The following EHF variants were observed in gnomAD, a reference collection of about 807,000 sequenced individuals.
The protein encoded by EHF is ETS homologous factor.
In EHF, 14 loss-of-function variants were observed where a neutral mutation model predicts 45.1. The observed-to-expected ratio is 0.31, with a 90% CI of 0.21 to 0.49. The LOEUF is 0.49. Ranked by LOEUF, EHF falls within the 20% of genes least tolerant of loss-of-function variation. The pLI, the probability that EHF is intolerant of heterozygous loss-of-function variation, is 0.99. For synonymous variants in EHF, 136 were observed against 131.8 expected, an observed-to-expected ratio of 1.03 and a Z score of -0.22; for missense variants, 282 against 371.4, an observed-to-expected ratio of 0.76 and a Z score of 1.98.
At chr11:34,651,518 A>G (rs1565042908) in intron 4 of EHF, 24 bp from the exon 5 acceptor site, 1 of 1,597,896 alleles carries the variant, frequency 6.3e-7, no homozygotes, top group Non-Finnish European at 8.6e-7. Flanking sequence ...ATCGCTGACT[A>G]TTCTCCTTCT....
chr11:34,627,112 TTGTGTGTGTGTG>T (rs6144298), intron 1 of EHF, among the ~76,000 whole-genome samples: 5 of 148,576 alleles, frequency 3.4e-5, no homozygotes, highest in South Asian at 2.2e-4. Context: ...GGATTTTGGT[TTGTGTGTGTGTG>T]TGTGTGTGTG....
At chr11:34,621,804 T>C (rs1207775490) in intron 1 of EHF, among the ~76,000 whole-genome samples, 3 of 152,160 alleles carry the variant, frequency 2.0e-5, no homozygotes, top group Admixed American at 2.0e-4. Flanking sequence ...GGCAGAGGTA[T>C]TGGGGAGAGC....
At chr11:34,652,842 A>G (rs913005249) in intron 6 of EHF, among the ~76,000 whole-genome samples, 2 of 152,242 alleles carry the variant, frequency 1.3e-5, no homozygotes, top group Non-Finnish European at 2.9e-5. Flanking sequence ...GCTGGGAGCC[A>G]ATGTAAATGC....
At chr11:34,634,009 G>T (rs1053878852) in intron 1 of EHF, among the ~76,000 whole-genome samples, 2 of 152,170 alleles carry the variant, frequency 1.3e-5, no homozygotes, top group Non-Finnish European at 2.9e-5. Context: ...TACCTCAGAT[G>T]TTGCCCCTGG....
chr11:34,621,380 A>C (rs370779781), intron 1 of EHF, among the ~76,000 whole-genome samples, 152 bp downstream of exon 1: 1 of 152,226 alleles, frequency 6.6e-6, no homozygotes, highest in African/African-American at 2.4e-5. Flanking sequence ...GGCTTACCTC[A>C]CTGGGTCAAA....
At chr11:34,641,199 C>G (rs894059603) in intron 1 of EHF, among the ~76,000 whole-genome samples, 4 of 152,078 alleles carry the variant, frequency 2.6e-5, no homozygotes, top group African/African-American at 4.8e-5. Context: ...TCTACTTAGG[C>G]TGGATTCAGT....
chr11:34,622,816 G>C (rs751546751), intron 1 of EHF, among the ~76,000 whole-genome samples: 49 of 152,102 alleles, frequency 3.2e-4, no homozygotes, highest in Non-Finnish European at 6.2e-4. Flanking sequence ...AGTTGAACTT[G>C]AAAAAATAAT....
chr11:34,650,597 G>A (rs1590522113), intron 4 of EHF, among the ~76,000 whole-genome samples: 1 of 152,216 alleles, frequency 6.6e-6, no homozygotes, highest in South Asian at 2.1e-4. Context: ...GGGGAGCTGA[G>A]GGTAACCTAG....
intron 1 of EHF, chr11:34,632,497 T>C (rs945633732): frequency 1.3e-6 from 2 of 1,532,026 alleles, no homozygotes; most frequent in Non-Finnish European, 1.7e-6. Flanking sequence ...GAGTGGAGAT[T>C]GGTTTTGGCT....
intron 1 of EHF, chr11:34,642,407 G>A: frequency 2.2e-6 from 1 of 455,668 alleles, no homozygotes; most frequent in South Asian, 3.2e-5. Context: ...ATGAATGGGT[G>A]GCTGTAAAAA....
chr11:34,643,106 G>A lies in EHF; in HGVS notation c.97+379G>A, dbSNP rs539951537. Among the ~76,000 whole-genome samples, 10 of 151,338 alleles carry A rather than the reference G, an allele frequency of 6.6e-5. No homozygotes were observed. In the South Asian group the frequency reaches 1.0e-3, roughly 16 times the overall value. On this transcript the variant is annotated intron_variant, in intron 2 of 8. Coordinates refer to ENST00000257831, the MANE Select transcript of EHF (RefSeq NM_012153.6). ...TGTGTGTGTGTGTGTGTATGTGCGCGTGCATGGAGGTTAGGAAGGAGAGGG... is the reference window on the plus strand; with the variant it reads ...TGTGTGTGTGTGTGTGTATGTGCGCATGCATGGAGGTTAGGAAGGAGAGGG...
Position 34,663,114 on chromosome 11 carries a change from C to T in EHF, c.*4183C>T, listed in dbSNP as rs1856185709. On this transcript the variant is annotated 3_prime_UTR_variant, in exon 9 of 9. Transcript: ENST00000257831. ...CTCCTGGGTTGACAATTTGTGGAAA[C>T]AACTCTATTGCTACTATTTAAAAAA... Among the ~76,000 whole-genome samples, 1 of 152,050 alleles carries T rather than the reference C, an allele frequency of 6.6e-6. No individual in the cohort carries two copies. Among genetic ancestry groups the T allele is most frequent in the Non-Finnish European group, 1.5e-5 (1 of 67,986 alleles).
In EHF at chr11:34,656,851, T is replaced by C. The variant is rs1255231920; in HGVS notation, c.545-57T>C. On this transcript the variant is annotated intron_variant, in intron 6 of 8. Transcript: ENST00000257831. Reference sequence around the variant, plus strand: ...TTGTTTAAATGAGTGGATGCATGAATAAAAAAGAGAATTATAGGAAATAGG... The same window carrying C: ...TTGTTTAAATGAGTGGATGCATGAACAAAAAAGAGAATTATAGGAAATAGG... 5 of 1,580,694 alleles carry C rather than the reference T, an allele frequency of 3.2e-6. No homozygotes were observed. In the East Asian group the frequency reaches 1.2e-4, roughly 37 times the overall value.
At chr11:34,656,014 G>A (rs1442731181) in intron 6 of EHF, among the ~76,000 whole-genome samples, 2 of 151,978 alleles carry the variant, frequency 1.3e-5, no homozygotes, top group Admixed American at 6.6e-5. Flanking sequence ...TGATTTTTGA[G>A]TGTGAGAGTC....
At chr11:34,648,439 C>G (rs1385447924) in intron 3 of EHF, among the ~76,000 whole-genome samples, 1 of 151,978 alleles carries the variant, frequency 6.6e-6, no homozygotes, top group African/African-American at 2.4e-5. Context: ...GTGATGTGTA[C>G]TGCTTGTACA....
At chr11:34,658,398 C>T (rs748642373) in intron 7 of EHF, 135 bp from the exon 8 acceptor site, 7 of 674,580 alleles carry the variant, frequency 1.0e-5, no homozygotes, top group South Asian at 4.3e-5. Flanking sequence ...GGTGATTCTG[C>T]GATCCATCTT....
chr11:34,632,437 C>G (rs1214827559), intron 1 of EHF: 2 of 1,474,858 alleles, frequency 1.4e-6, no homozygotes, highest in East Asian at 2.5e-5. Context: ...ACCATTGTCT[C>G]AGAGAGAGAC....
chr11:34,629,217 A>G (rs10768085), intron 1 of EHF, among the ~76,000 whole-genome samples: 96,726 of 152,066 alleles, frequency 0.64, 31,062 homozygotes, highest in East Asian at 0.8. Context: ...ACAACTGGAA[A>G]GATGGCTGAA....
intron 6 of EHF, among the ~76,000 whole-genome samples, chr11:34,655,606 A>G (rs910995298): frequency 6.6e-6 from 1 of 152,228 alleles, no homozygotes; most frequent in Non-Finnish European, 1.5e-5. Flanking sequence ...TGTTTCTCAG[A>G]TCCTCCACAG....
Sources: allele counts gnomAD v4.1 joint callset (sites outside exome capture counted in the v4.1 genomes callset), GRCh38; gene constraint gnomAD v4.1.1; transcripts MANE v1.5; gene names NCBI Gene and HGNC (gene_info 2026-07-23, HGNC 2026-07-21).